TSHZ2: variants seen among roughly 807,000 people sequenced by gnomAD.
TSHZ2 encodes the protein teashirt homolog 2.
A neutral mutation model predicts 74.4 loss-of-function variants in TSHZ2; 21 were observed. The ratio of observed to expected loss-of-function variants is 0.28; its 90% confidence interval spans 0.20 to 0.41. The LOEUF is 0.41. TSHZ2 is among the 10% of genes least tolerant of loss of function. TSHZ2 has a pLI of 1.00. For synonymous variants in TSHZ2, 540 were observed against 515.3 expected (o/e 1.05, Z -0.65); for missense variants, 1,244 against 1,293.5 (o/e 0.96, Z 0.59).
chr20:53,398,507 T>G (rs1982537687), intron 2 of TSHZ2: 1 of 152,238 alleles, frequency 6.6e-6, no homozygotes, highest in Admixed American at 6.5e-5. Flanking sequence ...TCCCATCATC[T>G]TGGGAGGCTG....
At chr20:53,363,949 A>C (rs1191905899) in intron 2 of TSHZ2, among the ~76,000 whole-genome samples, 1 of 152,348 alleles carries the variant, frequency 6.6e-6, no homozygotes, top group African/African-American at 2.4e-5. Context: ...GGTGAACAAA[A>C]CAGACAAAAT....
intron 1 of TSHZ2, among the ~76,000 whole-genome samples, chr20:53,070,664 GTA>G (rs1387221849): frequency 5.3e-5 from 8 of 152,192 alleles, no homozygotes; most frequent in African/African-American, 1.9e-4. Context: ...GAATGTGTGT[GTA>G]TGTGTGTGTG....
intron 1 of TSHZ2, among the ~76,000 whole-genome samples, chr20:53,151,375 C>T (rs1987673554): frequency 6.6e-6 from 1 of 152,192 alleles, no homozygotes; most frequent in Non-Finnish European, 1.5e-5. Flanking sequence ...CTAGTCTTTC[C>T]TAGCTGGGAG....
intron 2 of TSHZ2, among the ~76,000 whole-genome samples, chr20:53,317,277 C>T (rs1979063689): frequency 6.6e-6 from 1 of 152,134 alleles, no homozygotes; most frequent in Non-Finnish European, 1.5e-5. Flanking sequence ...TTTGCTGGAT[C>T]CCAAAGAATC....
intron 2 of TSHZ2, among the ~76,000 whole-genome samples, chr20:53,451,975 G>A (rs574869180): frequency 6.6e-6 from 1 of 152,366 alleles, no homozygotes; most frequent in African/African-American, 2.4e-5. Flanking sequence ...GATAGACTTA[G>A]TGTTACTCAA....
chr20:53,207,974 A>C (rs1017179699), intron 1 of TSHZ2, among the ~76,000 whole-genome samples: 9 of 149,604 alleles, frequency 6.0e-5, no homozygotes, highest in Non-Finnish European at 1.3e-4. Context: ...TGCTGGGATG[A>C]CAGGCAGGAG....
intron 2 of TSHZ2, among the ~76,000 whole-genome samples, chr20:53,330,940 C>A (rs1021960516): frequency 6.6e-6 from 1 of 152,200 alleles, no homozygotes; most frequent in Non-Finnish European, 1.5e-5. Flanking sequence ...AGTTCTCAAG[C>A]CTCAACAGCT....
intron 1 of TSHZ2, among the ~76,000 whole-genome samples, chr20:53,197,281 A>G (rs1378992334): frequency 6.6e-6 from 1 of 152,254 alleles, no homozygotes; most frequent in Non-Finnish European, 1.5e-5. Context: ...TTAATAACAT[A>G]TGGTATAGCA....
rs1986480020 is a variant in TSHZ2 at position 53,492,684 on chromosome 20, T to C, written c.*5549T>C. ...GTCATTTCAATGGCCAACCAGTTCTTGCTCTACAGAGCTTTTACACCTTTT... is the reference window on the plus strand; with the variant it reads ...GTCATTTCAATGGCCAACCAGTTCTCGCTCTACAGAGCTTTTACACCTTTT... On this transcript the variant is annotated 3_prime_UTR_variant, in exon 3 of 3. Coordinates refer to ENST00000371497, the MANE Select transcript of TSHZ2 (RefSeq NM_173485.6). 1 of 152,244 alleles carries C rather than the reference T, an allele frequency of 6.6e-6. No homozygotes were observed. Among genetic ancestry groups the C allele is most frequent in the Non-Finnish European group, 1.5e-5 (1 of 68,040 alleles). 9.4% of individuals were successfully genotyped at this position (152,244 alleles called of 1,614,324 possible).
At chr20:53,422,411 T>C (rs1600627406) in intron 2 of TSHZ2, among the ~76,000 whole-genome samples, 1 of 152,138 alleles carries the variant, frequency 6.6e-6, no homozygotes. Context: ...ATCAGATCCA[T>C]GTGGTTTTAA....
At chr20:53,065,070 C>T (rs941546576) in intron 1 of TSHZ2, among the ~76,000 whole-genome samples, 2 of 152,332 alleles carry the variant, frequency 1.3e-5, no homozygotes, top group African/African-American at 4.8e-5. Flanking sequence ...GACACTTCTT[C>T]ATTTATGTGA....
chr20:53,070,313 A>G (rs1244499836), intron 1 of TSHZ2, among the ~76,000 whole-genome samples: 1 of 152,160 alleles, frequency 6.6e-6, no homozygotes, highest in African/African-American at 2.4e-5. Context: ...TATCAGTCTT[A>G]CTCATGGAGA....
chr20:53,034,525 T>C (rs1448629775), intron 1 of TSHZ2, among the ~76,000 whole-genome samples: 1 of 152,202 alleles, frequency 6.6e-6, no homozygotes, highest in Non-Finnish European at 1.5e-5. Context: ...ATAACCATGA[T>C]GACTTTTGGT....
chr20:53,243,822 C>CTTTT (rs5841936), intron 1 of TSHZ2, among the ~76,000 whole-genome samples: 11 of 145,682 alleles, frequency 7.6e-5, no homozygotes, highest in Non-Finnish European at 7.5e-5. Flanking sequence ...TGCTTGCTTG[C>CTTTT]TTTTTTTTTT....
intron 2 of TSHZ2, among the ~76,000 whole-genome samples, chr20:53,403,066 G>A (rs545104641): frequency 7.9e-5 from 12 of 152,196 alleles, no homozygotes; most frequent in East Asian, 5.8e-4. Flanking sequence ...CTTCCCTCCC[G>A]CTCTCCAGTA....
intron 1 of TSHZ2, among the ~76,000 whole-genome samples, chr20:53,028,172 A>G (rs925362445): frequency 1.3e-5 from 2 of 152,160 alleles, no homozygotes; most frequent in African/African-American, 4.8e-5. Flanking sequence ...GGTACCAAGT[A>G]CCCCATATGA....
At chr20:53,227,567 TTTC>T (rs1479971938) in intron 1 of TSHZ2, among the ~76,000 whole-genome samples, 2 of 152,138 alleles carry the variant, frequency 1.3e-5, no homozygotes, top group Non-Finnish European at 2.9e-5. Context: ...GATTTAATTG[TTTC>T]TTATCTGCAG....
At chr20:53,107,332 A>G (rs1233204632) in intron 1 of TSHZ2, among the ~76,000 whole-genome samples, 1 of 152,196 alleles carries the variant, frequency 6.6e-6, no homozygotes, top group Non-Finnish European at 1.5e-5. Flanking sequence ...TCTGTGCCTC[A>G]GTTTCCTCAT....
chr20:53,230,558 G>A (rs143458446), intron 1 of TSHZ2, among the ~76,000 whole-genome samples: 2 of 152,270 alleles, frequency 1.3e-5, no homozygotes, highest in East Asian at 3.9e-4. Flanking sequence ...CCCGTTTTCT[G>A]TAAGCAAGAA....
Sources: gnomAD v4.1 joint callset for allele counts (sites outside exome capture counted in the v4.1 genomes callset) on GRCh38, gnomAD v4.1.1 for gene constraint, MANE v1.5 for transcripts, NCBI Gene and HGNC (gene_info 2026-07-23, HGNC 2026-07-21) for gene names.